NAALAD2: variants seen among roughly 807,000 people sequenced by gnomAD.
NAALAD2 encodes the protein N-acetylated-alpha-linked acidic dipeptidase 2.
A neutral mutation model predicts 95.6 loss-of-function variants in NAALAD2; 89 were observed. The observed-to-expected ratio is 0.93, with a 90% CI of 0.78 to 1.11. The LOEUF is 1.11. NAALAD2 is among the 50% of genes least tolerant of loss of function. The pLI is 0.00. For missense variants in NAALAD2, 894 were observed against 872.4 expected (o/e 1.02, Z -0.31); for synonymous variants, 264 against 294.4 (o/e 0.90, Z 1.06).
intron 16 of NAALAD2, among the ~76,000 whole-genome samples, chr11:90,178,589 TG>T (rs963816954): frequency 6.6e-6 from 1 of 151,116 alleles, no homozygotes; most frequent in African/African-American, 2.4e-5. Context: ...GAGAATGGCG[TG>T]AACCTGGGAG....
intron 17 of NAALAD2, among the ~76,000 whole-genome samples, chr11:90,182,589 T>C (rs1953005444): frequency 6.6e-6 from 1 of 152,024 alleles, no homozygotes; most frequent in Non-Finnish European, 1.5e-5. Context: ...AGGAATAACT[T>C]GATAGCTCAC....
At position 90,191,744 on chromosome 11, in the gene NAALAD2, A is replaced by T. The variant is rs370294777; in HGVS notation, c.2220A>T (p.Leu740Phe). 1.5e-5 allele frequency: 24 copies of T among 1,560,850 alleles called. No homozygotes were observed. The highest frequency in any genetic ancestry group is 2.1e-5 in the Non-Finnish European group (24 of 1,154,710). The change falls in exon 19 of 19, where the codon TTA becomes TTT. Residue 740 changes from leucine to phenylalanine, a missense_variant. Leu to Phe is a conservative substitution (Grantham distance 22). Transcript: ENST00000534061. ...CAGCAGGAACTCTGAAAGAAGTATT[A>T]TAGAAGGTCTCAAGTGGCTAGCCAT... is the stretch of plus-strand genomic sequence containing the variant. ...QAAAGTLKEV[L>F] is the part of the protein sequence containing the mutation.
intron 11 of NAALAD2, among the ~76,000 whole-genome samples, chr11:90,166,355 T>G (rs758550201): frequency 2.8e-4 from 43 of 152,322 alleles, no homozygotes; most frequent in Non-Finnish European, 5.9e-4. Context: ...TATTTTTGTC[T>G]TAATGTGTGC....
At chr11:90,177,575 TTC>T (rs1184449968) in intron 15 of NAALAD2, among the ~76,000 whole-genome samples, 2 of 146,050 alleles carry the variant, frequency 1.4e-5, no homozygotes, top group East Asian at 2.0e-4. Context: ...GTTGTATTTT[TTC>T]TTTTTCTTGT....
chr11:90,175,502 A>G (rs181793220), intron 14 of NAALAD2, among the ~76,000 whole-genome samples: 19 of 152,330 alleles, frequency 1.2e-4, no homozygotes, highest in African/African-American at 4.6e-4. Flanking sequence ...AATTATAATT[A>G]GATTTATTTC....
intron 6 of NAALAD2, among the ~76,000 whole-genome samples, 154 bp downstream of exon 6, chr11:90,152,638 T>G (rs1247378910): frequency 6.6e-6 from 1 of 152,192 alleles, no homozygotes; most frequent in Admixed American, 6.5e-5. Context: ...TTAAAACATT[T>G]GCTCTTGTAT....
intron 13 of NAALAD2, among the ~76,000 whole-genome samples, chr11:90,172,647 T>C (rs1952675811): frequency 6.6e-6 from 1 of 152,234 alleles, no homozygotes; most frequent in South Asian, 2.1e-4. Context: ...AACTGCTTAT[T>C]ATAATTTTGT....
intron 2 of NAALAD2, among the ~76,000 whole-genome samples, chr11:90,143,600 G>A (rs1160877234): frequency 6.6e-6 from 1 of 152,024 alleles, no homozygotes; most frequent in Non-Finnish European, 1.5e-5. Flanking sequence ...AATTTAGAAA[G>A]GTCTTGTTTA....
intron 11 of NAALAD2, among the ~76,000 whole-genome samples, chr11:90,167,827 T>G (rs10830429): frequency 6.6e-6 from 1 of 151,746 alleles, no homozygotes; most frequent in African/African-American, 2.4e-5. Flanking sequence ...TAAACGCACC[T>G]ATCAGCACCC....
rs1857126786 is a variant in NAALAD2, at chr11:90,185,891, T to G, written c.2033+2883T>G. Among the ~76,000 whole-genome samples, 4 of 148,840 alleles carry G rather than the reference T, an allele frequency of 2.7e-5. No individual in the cohort carries two copies. In the South Asian group the frequency reaches 8.6e-4, roughly 32 times the overall value. ...TTTTTTTTTATATACATTTAAAATTTTATTTGTTTTCACAGAAATGAGCAA... is the reference window on the plus strand; with the variant it reads ...TTTTTTTTTATATACATTTAAAATTGTATTTGTTTTCACAGAAATGAGCAA... On this transcript the variant is annotated intron_variant, in intron 18 of 18. Transcript: ENST00000534061.
In NAALAD2 at chr11:90,182,849, T is replaced by G. The variant is rs372079472; in HGVS notation, c.1941-67T>G. 6.8e-4 allele frequency: 730 copies of G among 1,071,850 alleles called. 4 individuals carry two copies. The African/African-American group carries it at 0.01, about 15-fold the overall frequency. 66.4% of individuals were successfully genotyped at this position (1,071,850 alleles called of 1,614,324 possible). On this transcript the variant is annotated intron_variant, in intron 17 of 18. Coordinates refer to ENST00000534061, the MANE Select transcript of NAALAD2 (RefSeq NM_005467.4). ...TATATTTTCCCAAGCCTTGTTTTTA[T>G]TTAATATTATTTTTGAAGCATGATT...
chr11:90,159,353 T>A lies in NAALAD2; in HGVS notation c.989+16T>A. ...ATTCTTTCAGGTAATTTTGCATTAC[T>A]TTAATAGTCTGAAAAAGTTTTATAT... On this transcript the variant is annotated intron_variant, in intron 8 of 18. Coordinates refer to ENST00000534061, the MANE Select transcript of NAALAD2 (RefSeq NM_005467.4). 1 of 1,568,428 alleles carries A rather than the reference T, an allele frequency of 6.4e-7. No individual in the cohort carries two copies. The highest frequency in any genetic ancestry group is 8.8e-7 in the Non-Finnish European group (1 of 1,141,044).
intron 2 of NAALAD2, among the ~76,000 whole-genome samples, chr11:90,143,901 A>G (rs183737635): frequency 1.1e-4 from 16 of 152,322 alleles, no homozygotes; most frequent in Admixed American, 9.1e-4. Context: ...GCTGTTGATG[A>G]GATCACAAGG....
chr11:90,158,736 T>C (rs944264548), intron 7 of NAALAD2: 3 of 172,660 alleles, frequency 1.7e-5, no homozygotes, highest in Non-Finnish European at 3.6e-5. Flanking sequence ...ATTTAGAATA[T>C]AGTAAACAAA....
At chr11:90,179,298 CT>C (rs1952895506) in intron 16 of NAALAD2, among the ~76,000 whole-genome samples, 1 of 151,890 alleles carries the variant, frequency 6.6e-6, no homozygotes, top group Non-Finnish European at 1.5e-5. Flanking sequence ...ATGTTATTAC[CT>C]GGGAGATATA....
chr11:90,147,573 T>C lies in NAALAD2; in HGVS notation c.381+57T>C. On this transcript the variant is annotated intron_variant, in intron 3 of 18. Transcript: ENST00000534061. ...TGCAATCCGACCGTTTTATGTGGAT[T>C]GTAATGTAGGGTCAAGTAAAAGTAG... 1.4e-5 allele frequency: 20 copies of C among 1,444,554 alleles called. No homozygotes were observed. In the South Asian group the frequency reaches 2.6e-4, roughly 19 times the overall value. The allele number at this position is 1,444,554 out of a possible 1,614,324, so 89.5% of individuals were successfully genotyped here. A position where few individuals can be genotyped will look rare whatever the true frequency, so the allele number is the denominator to read the frequency against.
At chr11:90,182,875 C>A in intron 17 of NAALAD2, 41 bp from the exon 18 acceptor site, 1 of 1,274,338 alleles carries the variant, frequency 7.8e-7, no homozygotes, top group Non-Finnish European at 1.1e-6. Flanking sequence ...AAGCATGATT[C>A]TGCGGTTTGC....
intron 2 of NAALAD2, among the ~76,000 whole-genome samples, chr11:90,144,668 G>A (rs1305716583): frequency 1.3e-5 from 2 of 150,026 alleles, no homozygotes; most frequent in Non-Finnish European, 2.9e-5. Context: ...CTTGAACCTG[G>A]GAGGCGGAGG....
intron 16 of NAALAD2, among the ~76,000 whole-genome samples, chr11:90,178,873 A>G (rs751045503): frequency 1.2e-4 from 18 of 152,100 alleles, no homozygotes; most frequent in Non-Finnish European, 2.1e-4. Flanking sequence ...CCTTTTATTA[A>G]TGACTGTTTA....
Sources: gnomAD v4.1 joint callset for allele counts (sites outside exome capture counted in the v4.1 genomes callset) on GRCh38, gnomAD v4.1.1 for gene constraint, MANE v1.5 for transcripts, NCBI Gene and HGNC (gene_info 2026-07-23, HGNC 2026-07-21) for gene names.